Variants in DNAAF9 observed in about 807,000 individuals in gnomAD.
The protein encoded by DNAAF9 is shulin.
In DNAAF9, 90 loss-of-function variants were observed where a neutral mutation model predicts 167.0. That is an observed-to-expected ratio of 0.54 (90% CI 0.45 to 0.64). The LOEUF (loss-of-function observed/expected upper bound fraction) is 0.64, where lower values mean the gene tolerates loss of function less well. DNAAF9 is among the 30% of genes least tolerant of loss of function. The pLI, the probability that DNAAF9 is intolerant of heterozygous loss-of-function variation, is 0.00. For synonymous variants in DNAAF9, 491 were observed against 508.8 expected (o/e 0.96, Z 0.47); for missense variants, 1,315 against 1,442.2 (o/e 0.91, Z 1.43).
rs890717112 is a variant in DNAAF9, at chr20:3,312,651, C to G, written c.1678+2382G>C. Among the ~76,000 whole-genome samples, 14 of 152,162 alleles carry G rather than the reference C, an allele frequency of 9.2e-5. No individual in the cohort carries two copies. The East Asian group carries it at 2.7e-3, about 29-fold the overall frequency. On this transcript the variant is annotated intron_variant, in intron 20 of 36. Transcript: ENST00000252032. ...TAAAGACACTTGAACTTCAGGACCC[C>G]TTACCTGCCCAAGTCCCCTTCTAAG...
chr20:3,312,281 C>T (rs2069428188), intron 20 of DNAAF9, among the ~76,000 whole-genome samples: 1 of 152,186 alleles, frequency 6.6e-6, no homozygotes, highest in African/African-American at 2.4e-5. Flanking sequence ...AGCCACCACA[C>T]CCTGCCAGGA....
intron 1 of DNAAF9, among the ~76,000 whole-genome samples, chr20:3,393,116 G>T (rs1192106323): frequency 2.0e-5 from 3 of 152,054 alleles, no homozygotes; most frequent in African/African-American, 7.3e-5. Context: ...TTTTAAAACT[G>T]CTGGTCAGGT....
intron 23 of DNAAF9, among the ~76,000 whole-genome samples, chr20:3,295,091 G>A (rs1053585253): frequency 8.6e-5 from 13 of 151,986 alleles, no homozygotes; most frequent in African/African-American, 2.9e-4. Context: ...GGATGGTCCC[G>A]ATCTCCTGAC....
chr20:3,359,004 T>C (rs1026316809), intron 7 of DNAAF9, among the ~76,000 whole-genome samples: 1 of 152,162 alleles, frequency 6.6e-6, no homozygotes, highest in African/African-American at 2.4e-5. Flanking sequence ...ACATACCCAT[T>C]TGTTTAAACA....
At chr20:3,372,712 C>A (rs1026295851) in intron 6 of DNAAF9, among the ~76,000 whole-genome samples, 6 of 152,172 alleles carry the variant, frequency 3.9e-5, no homozygotes, top group African/African-American at 1.2e-4. Flanking sequence ...GACCTGGCCC[C>A]AGCTCTGCCT....
In DNAAF9 at chr20:3,253,780, A is replaced by G; in HGVS notation, c.3367T>C (p.Tyr1123His). The change falls in exon 36 of 37, where the codon TAT becomes CAT. Residue 1123 changes from tyrosine to histidine, a missense_variant. Coordinates refer to ENST00000252032, the MANE Select transcript of DNAAF9 (RefSeq NM_001009984.3). ...AAGTTAACAAATTGGGTGCCATTAT[A>G]AAAGTAGCCTGCAGGTAGGGGTTCC... is the stretch of plus-strand genomic sequence containing the variant. ...HLEPLPAGYF[Y>H]NGTQFVNFFG... 1 of 1,613,020 alleles carries G rather than the reference A, an allele frequency of 6.2e-7. No homozygotes were observed. The highest frequency in any genetic ancestry group is 8.5e-7 in the Non-Finnish European group (1 of 1,178,946).
rs1443563309 is a variant in DNAAF9, at chr20:3,253,114, A to G, written c.3422-430T>C. Among the ~76,000 whole-genome samples the G allele has an allele frequency of 2.6e-5, 4 of 152,282 alleles. No homozygotes were observed. The East Asian group carries it at 7.7e-4, about 29-fold the overall frequency. ...TGAGGTAGATGGATCACTTGAGCCC[A>G]GGAGTTTGAGACCAGCCTGGGCAAC... On this transcript the variant is annotated intron_variant, in intron 36 of 36. Transcript: ENST00000252032.
At chr20:3,276,888 T>A (rs559353215) in intron 29 of DNAAF9, among the ~76,000 whole-genome samples, 2 of 152,268 alleles carry the variant, frequency 1.3e-5, no homozygotes, top group Admixed American at 1.3e-4. Flanking sequence ...CTTCACCTGC[T>A]TCCAACTAAA....
At chr20:3,391,645 A>G (rs1394352000) in intron 1 of DNAAF9, among the ~76,000 whole-genome samples, 3 of 143,120 alleles carry the variant, frequency 2.1e-5, no homozygotes, top group South Asian at 2.2e-4. Flanking sequence ...CAACAGCGCG[A>G]TCTTGGCTCA....
Position 3,315,831 on chromosome 20 carries a change from A to G in DNAAF9, c.1540-46T>C, listed in dbSNP as rs544037764. On this transcript the variant is annotated intron_variant, in intron 18 of 36. Coordinates refer to ENST00000252032, the MANE Select transcript of DNAAF9 (RefSeq NM_001009984.3). The surrounding 1 kb of genome is among the most constrained non-coding windows in gnomAD (Gnocchi z 4.1). ...GATTTTCAGTCAACTACTTCAAGGGAAAACCCTGCTAGGTCTCCCCACTGT... is the reference window on the plus strand; with the variant it reads ...GATTTTCAGTCAACTACTTCAAGGGGAAACCCTGCTAGGTCTCCCCACTGT... 2 of 1,421,470 alleles carry G rather than the reference A, an allele frequency of 1.4e-6. No homozygotes were observed. The highest frequency in any genetic ancestry group is 1.1e-5 in the South Asian group (1 of 87,130). The allele number at this position is 1,421,470 out of a possible 1,614,324, so 88.1% of individuals were successfully genotyped here.
At chr20:3,405,875 T>C (rs1307596591) in intron 1 of DNAAF9, among the ~76,000 whole-genome samples, 1 of 152,194 alleles carries the variant, frequency 6.6e-6, no homozygotes, top group Non-Finnish European at 1.5e-5. Context: ...TTCTAAAGTA[T>C]CCTATGCAAT....
chr20:3,387,206 C>T (rs1364150663), intron 1 of DNAAF9, among the ~76,000 whole-genome samples: 1 of 152,148 alleles, frequency 6.6e-6, no homozygotes, highest in Non-Finnish European at 1.5e-5. Context: ...ATATCCAAAA[C>T]AATCTTGATA....
chr20:3,330,791 CTTTT>C (rs34084211), intron 11 of DNAAF9, 109 bp from the exon 12 acceptor site: 472 of 413,772 alleles, frequency 1.1e-3, no homozygotes, highest in South Asian at 1.6e-3. Context: ...AAGAACTACA[CTTTT>C]TTTTTTTTTT....
At chr20:3,328,030 C>G (rs1206462260) in intron 12 of DNAAF9, among the ~76,000 whole-genome samples, 1 of 152,118 alleles carries the variant, frequency 6.6e-6, no homozygotes, top group African/African-American at 2.4e-5. Context: ...GCAAAGATAT[C>G]CCCCTCCTCA....
intron 14 of DNAAF9, 33 bp downstream of exon 14, chr20:3,324,859 A>G (rs2069682339): frequency 8.7e-7 from 1 of 1,143,676 alleles, no homozygotes; most frequent in Non-Finnish European, 1.3e-6. Context: ...GAAGAAAAAA[A>G]ATTCCTTATA....
At chr20:3,321,093 G>A (rs2069607647) in intron 16 of DNAAF9, among the ~76,000 whole-genome samples, 1 of 152,142 alleles carries the variant, frequency 6.6e-6, no homozygotes, top group African/African-American at 2.4e-5. Context: ...TTATCTCAGT[G>A]CATCTCCAAA....
At chr20:3,395,053 C>T (rs2083885917) in intron 1 of DNAAF9, among the ~76,000 whole-genome samples, 2 of 141,358 alleles carry the variant, frequency 1.4e-5, no homozygotes, top group African/African-American at 5.4e-5. Context: ...CTGCAAGCTC[C>T]GCCTCCCGGG....
chr20:3,302,784 G>A (rs1193652770), intron 21 of DNAAF9, among the ~76,000 whole-genome samples: 1 of 152,178 alleles, frequency 6.6e-6, no homozygotes, highest in Non-Finnish European at 1.5e-5. Context: ...GAACCCAGGA[G>A]TGGAGGGAAA....
intron 12 of DNAAF9, 44 bp downstream of exon 12, chr20:3,330,602 G>A (rs1157289598): frequency 1.6e-6 from 2 of 1,215,162 alleles, no homozygotes; most frequent in South Asian, 1.2e-5. Flanking sequence ...TCACAACTGA[G>A]TAACTCAACT....
Sources: gnomAD v4.1 joint callset for allele counts (sites outside exome capture counted in the v4.1 genomes callset) on GRCh38, gnomAD v4.1.1 for gene constraint, Gnocchi (gnomAD v3.1) non-coding constraint, MANE v1.5 for transcripts, NCBI Gene and HGNC (gene_info 2026-07-23, HGNC 2026-07-21) for gene names.